Variants in RBMS3 observed in about 807,000 individuals in gnomAD.
The protein encoded by RBMS3 is RNA-binding motif, single-stranded-interacting protein 3.
In RBMS3, 27 loss-of-function variants were observed where a neutral mutation model predicts 66.8. That is an observed-to-expected ratio of 0.40 (90% CI 0.30 to 0.56). RBMS3 has a LOEUF of 0.56. Ranked by LOEUF, RBMS3 falls within the 20% of genes least tolerant of loss-of-function variation. The pLI, the probability that RBMS3 is intolerant of heterozygous loss-of-function variation, is 0.40. For synonymous variants in RBMS3, 188 were observed against 183.0 expected (o/e 1.03, Z -0.22); for missense variants, 513 against 549.5 (o/e 0.93, Z 0.66).
At chr3:29,590,991 T>C (rs2047714373) in intron 4 of RBMS3, among the ~76,000 whole-genome samples, 1 of 152,148 alleles carries the variant, frequency 6.6e-6, no homozygotes, top group African/African-American at 2.4e-5. Context: ...ATTTTGTCCT[T>C]TTAAAGGTTT....
At chr3:29,845,277 A>C (rs2058750909) in intron 6 of RBMS3, among the ~76,000 whole-genome samples, 1 of 152,212 alleles carries the variant, frequency 6.6e-6, no homozygotes, top group African/African-American at 2.4e-5. Context: ...AGAGTCTGCC[A>C]CTAACTCCAT....
intron 4 of RBMS3, among the ~76,000 whole-genome samples, chr3:29,634,237 C>T (rs1252657120): frequency 2.0e-5 from 3 of 151,840 alleles, no homozygotes; most frequent in Non-Finnish European, 4.4e-5. Flanking sequence ...GTTGTCTCAA[C>T]ATTAAAATTG....
chr3:29,925,803 A>T (rs1339315954), intron 10 of RBMS3, among the ~76,000 whole-genome samples: 1 of 152,238 alleles, frequency 6.6e-6, no homozygotes, highest in African/African-American at 2.4e-5. Flanking sequence ...GATAGTATCC[A>T]GTCCCAGGCC....
In RBMS3 at chr3:29,702,988, G is replaced by A. The variant is rs145583420; in HGVS notation, c.400-36732G>A. Among the ~76,000 whole-genome samples the A allele has an allele frequency of 1.5e-3, 221 of 152,252 alleles. 1 individual carries two copies. Among genetic ancestry groups the A allele is most frequent in the African/African-American group, 4.8e-3 (201 of 41,548 alleles). ...GAGTGGTTAATGATGACTAACTTTC[G>A]TTAAGTGTTCATGTTAGCACTAGAT... On this transcript the variant is annotated intron_variant, in intron 4 of 14. Coordinates refer to ENST00000383767, the MANE Select transcript of RBMS3 (RefSeq NM_001003793.3).
At chr3:29,857,401 T>A (rs1213197960) in intron 6 of RBMS3, among the ~76,000 whole-genome samples, 1 of 150,488 alleles carries the variant, frequency 6.6e-6, no homozygotes, top group Non-Finnish European at 1.5e-5. Context: ...CCCCGATTTG[T>A]TTTTTCCTAG....
intron 4 of RBMS3, among the ~76,000 whole-genome samples, chr3:29,677,483 T>A (rs1230633749): frequency 6.6e-6 from 1 of 152,210 alleles, no homozygotes; most frequent in Non-Finnish European, 1.5e-5. Flanking sequence ...AATTTTTTTT[T>A]AGAAATGGCT....
At chr3:29,744,917 G>A (rs2054817116) in intron 5 of RBMS3, among the ~76,000 whole-genome samples, 1 of 152,036 alleles carries the variant, frequency 6.6e-6, no homozygotes, top group Non-Finnish European at 1.5e-5. Flanking sequence ...TTTTTCAGTG[G>A]ACTTCATTTT....
intron 1 of RBMS3, among the ~76,000 whole-genome samples, chr3:29,376,829 C>T (rs899011385): frequency 1.3e-5 from 2 of 152,184 alleles, no homozygotes; most frequent in Admixed American, 6.5e-5. Flanking sequence ...TTGTTGAACC[C>T]GGGAGGCGGA....
rs148104787 is a variant in RBMS3 at position 29,953,465 on chromosome 3, G to C, written c.1098+9211G>C. Among the ~76,000 whole-genome samples, 54 of 152,042 alleles carry C rather than the reference G, an allele frequency of 3.6e-4. No homozygotes were observed. The East Asian group carries it at 9.5e-3, about 27-fold the overall frequency. ...TGCAAATAGCTTCCAGCTAATTAAA[G>C]GTTATTTGAAAGATTTCCATAAATT... On this transcript the variant is annotated intron_variant, in intron 12 of 14. Transcript: ENST00000383767.
At chr3:29,728,919 C>A (rs532781216) in intron 4 of RBMS3, among the ~76,000 whole-genome samples, 97 of 152,068 alleles carry the variant, frequency 6.4e-4, no homozygotes, top group Non-Finnish European at 1.1e-3. Context: ...TAGATTCAAG[C>A]AAAACAGCAC....
intron 1 of RBMS3, among the ~76,000 whole-genome samples, chr3:29,391,764 G>T (rs2039306920): frequency 6.6e-6 from 1 of 152,068 alleles, no homozygotes; most frequent in Non-Finnish European, 1.5e-5. Context: ...GTAGGGATGA[G>T]CAAAATTGAA....
At chr3:29,394,932 C>T (rs964542579) in intron 1 of RBMS3, among the ~76,000 whole-genome samples, 1 of 152,232 alleles carries the variant, frequency 6.6e-6, no homozygotes, top group African/African-American at 2.4e-5. Flanking sequence ...CATAGCCACA[C>T]CTCCTTCCAG....
chr3:29,488,004 G>A (rs2043386149), intron 2 of RBMS3, among the ~76,000 whole-genome samples: 1 of 152,128 alleles, frequency 6.6e-6, no homozygotes, highest in South Asian at 2.1e-4. Context: ...GACATATTTA[G>A]CTTCTCATTT....
At position 29,758,683 on chromosome 3, in the gene RBMS3, C is replaced by T. The variant is rs117357384; in HGVS notation, c.558-4227C>T. On this transcript the variant is annotated intron_variant, in intron 5 of 14. Coordinates refer to ENST00000383767, the MANE Select transcript of RBMS3 (RefSeq NM_001003793.3). Reference sequence around the variant, plus strand: ...AACTGAGAAGAAAATTCATCGCATTCATTCATCTTTGTTTCTGGAACTCAC... The same window carrying T: ...AACTGAGAAGAAAATTCATCGCATTTATTCATCTTTGTTTCTGGAACTCAC... Among the ~76,000 whole-genome samples, 148 of 152,264 alleles carry T rather than the reference C, an allele frequency of 9.7e-4. 2 individuals are homozygous for T. In the East Asian group the frequency reaches 0.026, roughly 27 times the overall value.
chr3:29,832,665 C>A (rs2058403427), intron 6 of RBMS3, among the ~76,000 whole-genome samples: 1 of 152,172 alleles, frequency 6.6e-6, no homozygotes, highest in Admixed American at 6.5e-5. Flanking sequence ...ACATCCACTT[C>A]TTTCTAACCC....
At chr3:29,987,212 G>A (rs190731282) in intron 12 of RBMS3, among the ~76,000 whole-genome samples, 7 of 152,258 alleles carry the variant, frequency 4.6e-5, no homozygotes, top group Admixed American at 3.3e-4. Context: ...GATGATTCCA[G>A]TTTTGATGTT....
At chr3:29,681,516 C>A (rs2051496033) in intron 4 of RBMS3, among the ~76,000 whole-genome samples, 2 of 151,408 alleles carry the variant, frequency 1.3e-5, no homozygotes, top group South Asian at 2.1e-4. Context: ...ACAATCCCCC[C>A]AGACAGGCCC....
At chr3:29,371,976 A>G (rs2038227954) in intron 1 of RBMS3, among the ~76,000 whole-genome samples, 1 of 152,210 alleles carries the variant, frequency 6.6e-6, no homozygotes, top group Non-Finnish European at 1.5e-5. Context: ...AGCATGTATC[A>G]ACATTCTGTT....
chr3:29,996,611 A>C (rs1577351321), intron 14 of RBMS3, among the ~76,000 whole-genome samples: 1 of 150,316 alleles, frequency 6.7e-6, no homozygotes, highest in African/African-American at 2.4e-5. Flanking sequence ...AGGATTAAGA[A>C]TCTCACTCAA....
Sources: gnomAD v4.1 joint callset for allele counts (sites outside exome capture counted in the v4.1 genomes callset) on GRCh38, gnomAD v4.1.1 for gene constraint, MANE v1.5 for transcripts, NCBI Gene and HGNC (gene_info 2026-07-23, HGNC 2026-07-21) for gene names.